CAPN1: variants seen among roughly 807,000 people sequenced by gnomAD.
CAPN1 encodes the protein calpain 1.
In CAPN1, 77 loss-of-function variants were observed where a neutral mutation model predicts 105.2. That is an observed-to-expected ratio of 0.73 (90% CI 0.61 to 0.88). The LOEUF is 0.88. CAPN1 is among the 40% of genes least tolerant of loss of function. The pLI, the probability that CAPN1 is intolerant of heterozygous loss-of-function variation, is 0.00. For missense variants in CAPN1, 833 were observed against 976.6 expected (o/e 0.85, Z 1.96); for synonymous variants, 355 against 388.8 (o/e 0.91, Z 1.02).
intron 10 of CAPN1, among the ~76,000 whole-genome samples, chr11:65,200,932 CTTTT>C (rs56897147): frequency 2.0e-5 from 1 of 49,436 alleles, no homozygotes; most frequent in Non-Finnish European, 4.0e-5. Flanking sequence ...CCATGCCTGG[CTTTT>C]TTTTTTTTTT....
At position 65,187,969 on chromosome 11, in the gene CAPN1, C is replaced by A; in HGVS notation, c.858C>A (p.Gly286=). 6.4e-7 allele frequency: 1 copy of A among 1,560,414 alleles called. No individual in the cohort carries two copies. The highest frequency in any genetic ancestry group is 8.7e-7 in the Non-Finnish European group (1 of 1,152,312). Residue 286 remains glycine (G), a synonymous_variant, in exon 8 of 22, where the codon GGC becomes GGA. Coordinates refer to ENST00000279247, the MANE Select transcript of CAPN1 (RefSeq NM_005186.4). ...CTGGCAAATAGGTGAACTACCGAGG[C>A]CAGGTGGTGAGCCTGATCCGGATGC... The part of the protein sequence containing the change: ...VTGAKQVNYR[G]QVVSLIRMRN...
chr11:65,208,957 C>T lies in CAPN1; in HGVS notation c.1730-366C>T. On this transcript the variant is annotated intron_variant, in intron 16 of 21. Transcript: ENST00000279247. This position sits in a 1 kb window ranked among gnomAD's most constrained non-coding sequence, Gnocchi z 4.1. Reference sequence around the variant, plus strand: ...CCCCTTTGCTGCCACTGACCTCCATCCACACGGTTTCCTTAAGCAGAGCTT... The same window carrying T: ...CCCCTTTGCTGCCACTGACCTCCATTCACACGGTTTCCTTAAGCAGAGCTT... The T allele has an allele frequency of 6.5e-6, 2 of 306,396 alleles. No individual in the cohort carries two copies. Among genetic ancestry groups the T allele is most frequent in the South Asian group, 7.2e-5 (2 of 27,798 alleles). 19.0% of individuals were successfully genotyped at this position (306,396 alleles called of 1,614,324 possible). A position where few individuals can be genotyped will look rare whatever the true frequency, so the allele number is the denominator to read the frequency against.
rs1436530638 is a variant in CAPN1, at chr11:65,182,004, C to G, written c.-11C>G. On this transcript the variant is annotated 5_prime_UTR_variant, in exon 1 of 22. Transcript: ENST00000279247. ...GGGACTGCAGCGACCCCCAAACACC[C>G]CTCCCCCAGGTAAGAAGCTGGGTAG... The G allele has an allele frequency of 1.3e-5, 2 of 157,856 alleles. No homozygotes were observed. Among genetic ancestry groups the G allele is most frequent in the Non-Finnish European group, 2.8e-5 (2 of 71,682 alleles). 9.8% of individuals were successfully genotyped at this position (157,856 alleles called of 1,614,324 possible).
chr11:65,181,739 C>T, upstream of CAPN1: 2 of 248,752 alleles, frequency 8.0e-6, no homozygotes, highest in Non-Finnish European at 1.7e-5. This position sits in a 1 kb window ranked among gnomAD's most constrained non-coding sequence, Gnocchi z 4.6. Flanking sequence ...TGTCCTCTCG[C>T]GGAATTGGCC....
At chr11:65,200,222 G>A (rs1195271579) in intron 10 of CAPN1, among the ~76,000 whole-genome samples, 1 of 151,832 alleles carries the variant, frequency 6.6e-6, no homozygotes. Context: ...GCTAATTTTT[G>A]TAGAGATGGG....
chr11:65,207,924 GAAAA>G (rs1948985684), intron 14 of CAPN1, 127 bp from the exon 15 acceptor site: 2 of 645,598 alleles, frequency 3.1e-6, no homozygotes, highest in South Asian at 1.9e-5. Flanking sequence ...AAAAAGAAAA[GAAAA>G]GAAAAGTGAG....
At position 65,211,362 on chromosome 11, in the gene CAPN1, C is replaced by A; in HGVS notation, c.*76C>A. 7.0e-7 allele frequency: 1 copy of A among 1,432,048 alleles called. No individual in the cohort carries two copies. Among genetic ancestry groups the A allele is most frequent in the Non-Finnish European group, 9.7e-7 (1 of 1,029,566 alleles). The allele number at this position is 1,432,048 out of a possible 1,614,324, so 88.7% of individuals were successfully genotyped here. ...AGCCTCGCCTCCTACCACACCACAC[C>A]AGGCCACCCCAGCTGCAAGTGCCTT... On this transcript the variant is annotated 3_prime_UTR_variant, in exon 22 of 22. Transcript: ENST00000279247.
intron 4 of CAPN1, among the ~76,000 whole-genome samples, chr11:65,184,324 C>G (rs1438528115): frequency 2.0e-5 from 3 of 152,172 alleles, no homozygotes; most frequent in Non-Finnish European, 2.9e-5. Flanking sequence ...CACTTTGGCC[C>G]AGCGCCACAC....
At chr11:65,183,345 G>C in intron 3 of CAPN1, 129 bp from the exon 4 acceptor site, 1 of 1,102,152 alleles carries the variant, frequency 9.1e-7, no homozygotes, top group East Asian at 2.4e-5. Context: ...CAGATTCCTG[G>C]GTCTTTTCTG....
Position 65,206,484 on chromosome 11 carries a change from C to A in CAPN1, c.1375C>A (p.His459Asn). 4 of 1,613,304 alleles carry A rather than the reference C, an allele frequency of 2.5e-6. No individual in the cohort carries two copies. Among genetic ancestry groups the A allele is most frequent in the Non-Finnish European group, 3.4e-6 (4 of 1,179,872 alleles). Residue 459 changes from histidine to asparagine, a missense_variant, in exon 13 of 22, where the codon CAC becomes AAC. Coordinates refer to ENST00000279247, the MANE Select transcript of CAPN1 (RefSeq NM_005186.4). ...PPELVGQPAVHLKRDFFLANA... is the reference protein window; with the variant it reads ...PPELVGQPAVNLKRDFFLANA... ...CCAGCTGGTGGGCCAGCCGGCCGTA[C>A]ACTTGAAGCGTGACTTCTTCCTGGC...
intron 14 of CAPN1, 134 bp downstream of exon 14, chr11:65,206,953 T>A: frequency 1.3e-6 from 1 of 792,602 alleles, no homozygotes; most frequent in Non-Finnish European, 2.0e-6. Flanking sequence ...GCCATAGGAG[T>A]AGTGCTAATC....
At position 65,206,551 on chromosome 11, in the gene CAPN1, G is replaced by A. The variant is rs763471308; in HGVS notation, c.1442G>A (p.Arg481Gln). The A allele has an allele frequency of 3.1e-6, 5 of 1,613,338 alleles. No homozygotes were observed. Among genetic ancestry groups the A allele is most frequent in the African/African-American group, 2.7e-5 (2 of 74,940 alleles). ...CGCTCAGAGCAGTTCATCAACCTGC[G>A]AGAGGTCAGCACCCGCTTCCGCCTG... ...RARSEQFINL[R>Q]EVSTRFRLPP... The change falls in exon 13 of 22, where the codon CGA (arginine) becomes CAA (glutamine). Residue 481 changes from arginine to glutamine, a missense_variant. Physicochemically the swap from Arg to Gln is conservative, Grantham distance 43. Transcript: ENST00000279247.
chr11:65,183,074 G>C, intron 2 of CAPN1, 54 bp from the exon 3 acceptor site: 1 of 1,611,336 alleles, frequency 6.2e-7, no homozygotes, highest in Non-Finnish European at 8.5e-7. Flanking sequence ...GGGTGGCCTG[G>C]TGCCAATTTC....
Position 65,188,188 on chromosome 11 carries a change from G to C in CAPN1, c.929+148G>C, listed in dbSNP as rs1344719841. 2 of 712,732 alleles carry C rather than the reference G, an allele frequency of 2.8e-6. No individual in the cohort carries two copies. Among genetic ancestry groups the C allele is most frequent in the Non-Finnish European group, 4.7e-6 (2 of 427,980 alleles). 44.2% of individuals were successfully genotyped at this position (712,732 alleles called of 1,614,324 possible). A position where few individuals can be genotyped will look rare whatever the true frequency, so the allele number is the denominator to read the frequency against. ...GCGACTGGGTCTGGGGGACTGCTCTGACAAAGCTCAGGCCGTGCGGGCCCC... is the reference window on the plus strand; with the variant it reads ...GCGACTGGGTCTGGGGGACTGCTCTCACAAAGCTCAGGCCGTGCGGGCCCC... On this transcript the variant is annotated intron_variant, in intron 8 of 21. Transcript: ENST00000279247. The surrounding 1 kb of genome is among the most constrained non-coding windows in gnomAD (Gnocchi z 5.5).
chr11:65,193,301 C>T (rs1948745293), intron 10 of CAPN1, among the ~76,000 whole-genome samples: 1 of 151,926 alleles, frequency 6.6e-6, no homozygotes, highest in Admixed American at 6.6e-5. Context: ...ACTCTTATGT[C>T]TCGTGTATAA....
chr11:65,197,588 T>C (rs1238465767), intron 10 of CAPN1, among the ~76,000 whole-genome samples: 3 of 152,122 alleles, frequency 2.0e-5, no homozygotes, highest in Non-Finnish European at 4.4e-5. Flanking sequence ...GTAATCCAGT[T>C]TGAAAAATTT....
chr11:65,206,203 G>A (rs1948954753), intron 12 of CAPN1: 2 of 579,670 alleles, frequency 3.5e-6, no homozygotes, highest in South Asian at 2.1e-5. Flanking sequence ...AATAATGACA[G>A]TGTTATTGAA....
At position 65,204,780 on chromosome 11, in the gene CAPN1, C is replaced by G. The variant is rs377683527; in HGVS notation, c.1263C>G (p.Leu421=). The part of the protein sequence containing the change: ...GDRESGCSFV[L]ALMQKHRRRE... The stretch of plus-strand genomic sequence containing the variant: ...GCGAGTCAGGCTGCAGCTTCGTGCT[C>G]GCCCTTATGCAGAAGCACCGTCGCC... The change falls in exon 11 of 22, where the codon CTC becomes CTG. Residue 421 remains leucine (L), a synonymous_variant. Transcript: ENST00000279247. The G allele has an allele frequency of 1.4e-5, 23 of 1,612,898 alleles. No homozygotes were observed. The highest frequency in any genetic ancestry group is 1.8e-5 in the Non-Finnish European group (21 of 1,179,798).
At chr11:65,192,958 T>C (rs1278139120) in intron 10 of CAPN1, among the ~76,000 whole-genome samples, 2 of 151,654 alleles carry the variant, frequency 1.3e-5, no homozygotes, top group Non-Finnish European at 2.9e-5. Flanking sequence ...TCAAAGTTAT[T>C]AGCACAAAGT....
Sources: gnomAD v4.1 joint callset for allele counts (sites outside exome capture counted in the v4.1 genomes callset) on GRCh38, gnomAD v4.1.1 for gene constraint, Gnocchi (gnomAD v3.1) non-coding constraint, MANE v1.5 for transcripts, NCBI Gene and HGNC (gene_info 2026-07-23, HGNC 2026-07-21) for gene names.